The following NUP54 variants were observed in gnomAD, a reference collection of about 807,000 sequenced individuals.
The protein encoded by NUP54 is nucleoporin p54.
NUP54 carries 27 observed loss-of-function variants against 66.4 expected under a neutral mutation model. The ratio of observed to expected loss-of-function variants is 0.41; its 90% CI spans 0.30 to 0.56. NUP54 has a LOEUF of 0.56. Among genes scored for constraint, NUP54 ranks in the 20% least tolerant of loss-of-function variants. The pLI is 0.34. For missense variants in NUP54, 486 were observed against 596.3 expected, an observed-to-expected ratio of 0.82 and a Z score of 1.93; for synonymous variants, 206 against 210.7, an observed-to-expected ratio of 0.98 and a Z score of 0.19.
Position 76,118,182 on chromosome 4 carries a change from G to A in NUP54, c.1177C>T (p.Gln393Ter). The part of the protein sequence containing the change: ...SHRTLQVLIK[Q>*]EIQRKSGYAI... ...TAACCACTCTTCCTTTGAATTTCCT[G>A]TTTGATTAGGACCTATACAAATAAA... The change falls in exon 10 of 12, where the codon CAG becomes TAG. Residue 393 changes from glutamine (Q) to a stop codon, truncating the protein, a stop_gained. Transcript: ENST00000264883. LOFTEE classifies it high-confidence loss of function. 1 of 1,613,174 alleles carries A rather than the reference G, an allele frequency of 6.2e-7. No homozygotes were observed. Among genetic ancestry groups the A allele is most frequent in the Non-Finnish European group, 8.5e-7 (1 of 1,179,400 alleles).
chr4:76,131,730 A>G (rs1269309227), intron 6 of NUP54, among the ~76,000 whole-genome samples: 1 of 152,086 alleles, frequency 6.6e-6, no homozygotes, highest in Non-Finnish European at 1.5e-5. Context: ...CTGGAGGGCA[A>G]TTTGGCAATA....
intron 11 of NUP54, among the ~76,000 whole-genome samples, chr4:76,117,129 A>G (rs1729983929): frequency 6.6e-6 from 1 of 152,084 alleles, no homozygotes; most frequent in Non-Finnish European, 1.5e-5. Context: ...TCTACTCTCT[A>G]TTAATTGGAC....
intron 9 of NUP54, among the ~76,000 whole-genome samples, chr4:76,121,029 A>G (rs980819571): frequency 1.3e-5 from 2 of 152,178 alleles, no homozygotes; most frequent in African/African-American, 2.4e-5. Flanking sequence ...TATGTGGCCA[A>G]TGTTGGTTTA....
rs774622753 is a variant in NUP54 at position 76,115,323 on chromosome 4, A to C, written c.*43T>G. 1 of 1,515,262 alleles carries C rather than the reference A, an allele frequency of 6.6e-7. No homozygotes were observed. The highest frequency in any genetic ancestry group is 8.8e-7 in the Non-Finnish European group (1 of 1,133,976). 93.9% of individuals were successfully genotyped at this position (1,515,262 alleles called of 1,614,324 possible). ...ATTCTTAAGGAAGGTCTGATGCAGT[A>C]AGAAGATGCATTTCACAAACCTTTA... On this transcript the variant is annotated 3_prime_UTR_variant, in exon 12 of 12. Coordinates refer to ENST00000264883, the MANE Select transcript of NUP54 (RefSeq NM_017426.4).
At chr4:76,130,226 C>A (rs541402597) in intron 8 of NUP54, among the ~76,000 whole-genome samples, 1 of 151,784 alleles carries the variant, frequency 6.6e-6, no homozygotes, top group Admixed American at 6.6e-5. Flanking sequence ...AAGTGATCCA[C>A]CCACCCTGGT....
chr4:76,121,285 C>T (rs942344745), intron 9 of NUP54, among the ~76,000 whole-genome samples: 2 of 152,136 alleles, frequency 1.3e-5, no homozygotes, highest in African/African-American at 4.8e-5. Flanking sequence ...CTACTCTGTT[C>T]CATGCATTGT....
intron 1 of NUP54, chr4:76,147,560 CT>C: frequency 7.8e-7 from 1 of 1,289,768 alleles, no homozygotes; most frequent in Non-Finnish European, 1.0e-6. Context: ...TTAAAGTTCA[CT>C]GCAGGATTAG....
intron 3 of NUP54, among the ~76,000 whole-genome samples, chr4:76,139,008 G>A (rs907407568): frequency 6.6e-6 from 1 of 151,904 alleles, no homozygotes; most frequent in Non-Finnish European, 1.5e-5. Flanking sequence ...TAATGAGACC[G>A]CCAACTCCTT....
chr4:76,140,069 A>T (rs1731200550), intron 3 of NUP54, among the ~76,000 whole-genome samples: 1 of 152,176 alleles, frequency 6.6e-6, no homozygotes, highest in South Asian at 2.1e-4. Context: ...TTCAAGAAAA[A>T]ATAAACTTTG....
intron 1 of NUP54, among the ~76,000 whole-genome samples, chr4:76,147,306 C>T (rs1318384343): frequency 1.3e-5 from 2 of 152,192 alleles, no homozygotes; most frequent in Admixed American, 6.5e-5. Context: ...CTTTCCTAAA[C>T]CACATCTTTT....
chr4:76,147,378 C>A, intron 1 of NUP54: 1 of 661,968 alleles, frequency 1.5e-6, no homozygotes, highest in South Asian at 2.3e-5. Context: ...ATTTCCTTTC[C>A]CTATTAGACA....
chr4:76,130,962 C>T (rs1302366636), intron 7 of NUP54: 3 of 601,552 alleles, frequency 5.0e-6, no homozygotes, highest in African/African-American at 3.7e-5. Context: ...CAAAACATTA[C>T]ATTATTAAAT....
At chr4:76,117,583 CTTA>C in intron 11 of NUP54, 78 bp downstream of exon 11, 1 of 835,296 alleles carries the variant, frequency 1.2e-6, no homozygotes, top group East Asian at 2.5e-5. Flanking sequence ...TAACACTTTT[CTTA>C]TTAGGATAAT....
At chr4:76,132,462 C>T (rs530871951) in intron 6 of NUP54, 61 bp downstream of exon 6, 12 of 1,275,524 alleles carry the variant, frequency 9.4e-6, no homozygotes, top group African/African-American at 4.5e-5. Flanking sequence ...CTCTGAAATA[C>T]GGGGAGTGTT....
chr4:76,126,552 A>G (rs1033397426), intron 8 of NUP54, among the ~76,000 whole-genome samples: 1 of 152,210 alleles, frequency 6.6e-6, no homozygotes, highest in Non-Finnish European at 1.5e-5. Flanking sequence ...ATACAAGAGT[A>G]CTTACAACAT....
Position 76,136,303 on chromosome 4 carries a change from A to C in NUP54, c.405T>G (p.Asp135Glu). 6.2e-7 allele frequency: 1 copy of C among 1,614,102 alleles called. No homozygotes were observed. Among genetic ancestry groups the C allele is most frequent in the Non-Finnish European group, 8.5e-7 (1 of 1,179,980 alleles). The change falls in exon 4 of 12, where the codon GAT becomes GAG. Residue 135 changes from aspartate (D) to glutamate (E), a missense_variant. Around this residue, in one of 4 missense-constraint regions of NUP54, gnomAD observed 41 missense variants for 82.7 expected, o/e 0.50. Transcript: ENST00000264883. ...GTTGATTCCATTTTGCCAAAATAGC[A>C]TCTCTCTCATCTCCCAACAGCGTTG... Reference protein sequence around the residue: ...SAPTLLGDERDAILAKWNQLQ... With the variant: ...SAPTLLGDEREAILAKWNQLQ...
chr4:76,139,676 A>G (rs1731182851), intron 3 of NUP54, among the ~76,000 whole-genome samples: 1 of 152,224 alleles, frequency 6.6e-6, no homozygotes, highest in Non-Finnish European at 1.5e-5. Context: ...GATAGTACCA[A>G]GGAATTATTG....
At chr4:76,131,151 T>A (rs1050267234) in intron 7 of NUP54, 79 bp downstream of exon 7, 7 of 869,350 alleles carry the variant, frequency 8.1e-6, no homozygotes, top group Non-Finnish European at 1.1e-5. Flanking sequence ...ATGTAAGAAT[T>A]ATAATTAATA....
intron 9 of NUP54, among the ~76,000 whole-genome samples, chr4:76,120,421 C>CTTTTTTTTTTTTTTTTTTTTTTTTTT (rs59098375): frequency 8.5e-6 from 1 of 117,800 alleles, no homozygotes; most frequent in Non-Finnish European, 1.7e-5. Context: ...AAAGGGATCT[C>CTTTTTTTTTTTTTTTTTTTTTTTTTT]TTTTTTTTTT....
Sources: allele counts gnomAD v4.1 joint callset (sites outside exome capture counted in the v4.1 genomes callset), GRCh38; gene constraint gnomAD v4.1.1; regional missense constraint gnomAD v4.1.1; transcripts MANE v1.5; gene names NCBI Gene and HGNC (gene_info 2026-07-23, HGNC 2026-07-21).